Variants in DAAM1 observed in about 807,000 individuals in gnomAD.
DAAM1 encodes the protein disheveled-associated activator of morphogenesis 1.
Under a neutral mutation model 130.0 loss-of-function variants are expected in DAAM1, and 52 were observed. The ratio of observed to expected loss-of-function variants is 0.40; its 90% confidence interval spans 0.32 to 0.50. The LOEUF (loss-of-function observed/expected upper bound fraction) is 0.50. Ranked by LOEUF, DAAM1 falls within the 20% of genes least tolerant of loss-of-function variation. The probability of loss-of-function intolerance (pLI) is 0.61; values close to 1 mark genes in which losing one functional copy is unlikely to be tolerated. For synonymous variants in DAAM1, 452 were observed against 444.5 expected (o/e 1.02, Z -0.21); for missense variants, 1,134 against 1,303.8 (o/e 0.87, Z 2.01).
chr14:59,256,979 T>C (rs140542398), intron 1 of DAAM1, among the ~76,000 whole-genome samples: 14 of 152,340 alleles, frequency 9.2e-5, no homozygotes, highest in African/African-American at 3.4e-4. Context: ...CTCTTTTCAA[T>C]GGCACTTACT....
At chr14:59,324,884 T>G (rs970957210) in intron 8 of DAAM1, among the ~76,000 whole-genome samples, 1 of 152,254 alleles carries the variant, frequency 6.6e-6, no homozygotes, top group Non-Finnish European at 1.5e-5. Flanking sequence ...ATTCTGTGAA[T>G]GTTAATTTCC....
intron 1 of DAAM1, among the ~76,000 whole-genome samples, chr14:59,224,896 G>A (rs950811314): frequency 6.6e-6 from 1 of 152,114 alleles, no homozygotes; most frequent in Admixed American, 6.5e-5. Flanking sequence ...AGGGAACGGT[G>A]CGAAGGCACC....
intron 2 of DAAM1, among the ~76,000 whole-genome samples, chr14:59,274,399 C>G (rs17096006): frequency 0.22 from 32,791 of 151,870 alleles, 3,616 homozygotes; most frequent in East Asian, 0.32. Flanking sequence ...GAATCTTTTG[C>G]CATCTTTTCA....
chr14:59,279,288 T>G (rs1883110675), intron 2 of DAAM1, among the ~76,000 whole-genome samples: 1 of 152,206 alleles, frequency 6.6e-6, no homozygotes, highest in Non-Finnish European at 1.5e-5. Flanking sequence ...GAAATTCATG[T>G]TAAGAGATAC....
chr14:59,199,455 A>G (rs981393768), intron 1 of DAAM1, among the ~76,000 whole-genome samples: 2 of 152,202 alleles, frequency 1.3e-5, no homozygotes, highest in African/African-American at 4.8e-5. Flanking sequence ...GAATGTAGCC[A>G]GCTGTCCATG....
chr14:59,215,822 A>G (rs1888560012), intron 1 of DAAM1, among the ~76,000 whole-genome samples: 1 of 152,202 alleles, frequency 6.6e-6, no homozygotes, highest in Non-Finnish European at 1.5e-5. Flanking sequence ...CCTTCTCGCT[A>G]CAATTGATTG....
chr14:59,315,381 C>T (rs1208679117), intron 4 of DAAM1, 30 bp downstream of exon 4: 1 of 1,601,400 alleles, frequency 6.2e-7, no homozygotes, highest in Non-Finnish European at 8.5e-7. Context: ...CTTTGACACA[C>T]TGTTTAAAAT....
At chr14:59,234,794 C>T (rs1889237056) in intron 1 of DAAM1, among the ~76,000 whole-genome samples, 1 of 151,904 alleles carries the variant, frequency 6.6e-6, no homozygotes, top group Admixed American at 6.6e-5. Context: ...TTTGAGATGT[C>T]TTCCATCAAT....
intron 4 of DAAM1, among the ~76,000 whole-genome samples, chr14:59,319,648 A>G (rs1396340886): frequency 1.3e-5 from 2 of 152,208 alleles, no homozygotes; most frequent in African/African-American, 4.8e-5. Flanking sequence ...GACTTGGGGT[A>G]CTTTAGTGCA....
intron 19 of DAAM1, among the ~76,000 whole-genome samples, chr14:59,354,675 A>G (rs1015629357): frequency 6.6e-6 from 1 of 152,250 alleles, no homozygotes; most frequent in Admixed American, 6.5e-5. Flanking sequence ...AGGCAACTGA[A>G]GAGCACAGCC....
At chr14:59,280,535 CTTTTTTTTT>C (rs35354608) in intron 2 of DAAM1, among the ~76,000 whole-genome samples, 7 of 90,660 alleles carry the variant, frequency 7.7e-5, no homozygotes, top group African/African-American at 2.1e-4. Context: ...GCACACCTTC[CTTTTTTTTT>C]TTTTTTTTTT....
chr14:59,238,317 C>T (rs182689953), intron 1 of DAAM1, among the ~76,000 whole-genome samples: 2 of 152,020 alleles, frequency 1.3e-5, no homozygotes, highest in African/African-American at 2.4e-5. Context: ...TCAAAAAAAA[C>T]GTCTGAGATC....
chr14:59,205,858 A>G (rs1030520660), intron 1 of DAAM1, among the ~76,000 whole-genome samples: 5 of 152,140 alleles, frequency 3.3e-5, no homozygotes, highest in Non-Finnish European at 7.4e-5. Flanking sequence ...GTTAGAAGAG[A>G]GGATGGCCAA....
chr14:59,265,422 A>G (rs981591295), intron 2 of DAAM1: 3 of 152,240 alleles, frequency 2.0e-5, no homozygotes, highest in Non-Finnish European at 4.4e-5. Context: ...GGAAGTTTGA[A>G]ATAGAAAGCC....
intron 18 of DAAM1, among the ~76,000 whole-genome samples, 185 bp from the exon 19 acceptor site, chr14:59,353,691 G>T (rs1393080739): frequency 1.3e-5 from 2 of 152,080 alleles, no homozygotes; most frequent in African/African-American, 4.8e-5. Context: ...ACCAAAATGG[G>T]CTCTCCAGGC....
At chr14:59,190,763 C>T (rs1049854897) in intron 1 of DAAM1, among the ~76,000 whole-genome samples, 1 of 152,150 alleles carries the variant, frequency 6.6e-6, no homozygotes, top group Non-Finnish European at 1.5e-5. Context: ...TAATTCTAGG[C>T]GCAATGGCCT....
At chr14:59,358,796 T>C (rs535057819) in intron 20 of DAAM1, among the ~76,000 whole-genome samples, 1 of 150,518 alleles carries the variant, frequency 6.6e-6, no homozygotes, top group African/African-American at 2.5e-5. Flanking sequence ...TGAGCTGAGA[T>C]TGCACCACTG....
intron 3 of DAAM1, among the ~76,000 whole-genome samples, chr14:59,294,753 A>C (rs1883887999): frequency 6.6e-6 from 1 of 152,208 alleles, no homozygotes; most frequent in South Asian, 2.1e-4. Flanking sequence ...GCATCTGTTA[A>C]CAATCTCTTG....
intron 3 of DAAM1, among the ~76,000 whole-genome samples, chr14:59,309,575 T>C (rs1884499725): frequency 6.6e-6 from 1 of 152,216 alleles, no homozygotes; most frequent in South Asian, 2.1e-4. Context: ...GTTGCTGAAA[T>C]GTGGCATTGC....
Sources: gnomAD v4.1 joint callset for allele counts (sites outside exome capture counted in the v4.1 genomes callset) on GRCh38, gnomAD v4.1.1 for gene constraint, MANE v1.5 for transcripts, NCBI Gene and HGNC (gene_info 2026-07-23, HGNC 2026-07-21) for gene names.